Variants in NDST4 observed in about 807,000 individuals in gnomAD.
The protein encoded by NDST4 is N-deacetylase and N-sulfotransferase 4, also known as N-heparan sulfate sulfotransferase 4.
NDST4 carries 63 observed loss-of-function variants against 100.8 expected under a neutral mutation model. That is an observed-to-expected ratio of 0.62 (90% CI 0.51 to 0.77). The LOEUF (loss-of-function observed/expected upper bound fraction) is 0.77, where lower values mean the gene tolerates loss of function less well. Among genes scored for constraint, NDST4 ranks in the 30% least tolerant of loss-of-function variants. The pLI is 0.00. For synonymous variants in NDST4, 377 were observed against 361.8 expected (o/e 1.04, Z -0.48); for missense variants, 943 against 1,018.4 (o/e 0.93, Z 1.01).
At chr4:114,845,018 A>G (rs1258255532) in intron 10 of NDST4, among the ~76,000 whole-genome samples, 1 of 151,716 alleles carries the variant, frequency 6.6e-6, no homozygotes, top group Non-Finnish European at 1.5e-5. Context: ...AAACATCATA[A>G]TTGTTGTCAA....
rs1724750419 is a variant in NDST4 at position 114,897,880 on chromosome 4, A to G, written c.1537-26930T>C. Among the ~76,000 whole-genome samples the G allele has an allele frequency of 2.6e-5, 4 of 152,294 alleles. No homozygotes were observed. In the South Asian group the frequency reaches 8.3e-4, roughly 32 times the overall value. On this transcript the variant is annotated intron_variant, in intron 6 of 13. Transcript: ENST00000264363. ...TATCTTCTTTGTTGAGGTGTCTGGT[A>G]AGGTCTTCAGCCAATTTTTAAAATC...
intron 4 of NDST4, among the ~76,000 whole-genome samples, chr4:114,941,332 A>ACCCCT (rs1242982528): frequency 6.7e-6 from 1 of 149,890 alleles, no homozygotes; most frequent in Non-Finnish European, 1.5e-5. Flanking sequence ...TTCTACTGTG[A>ACCCCT]CCCCTCCCCT....
intron 1 of NDST4, among the ~76,000 whole-genome samples, chr4:115,109,654 T>A (rs1024228413): frequency 4.0e-5 from 6 of 151,864 alleles, no homozygotes; most frequent in Non-Finnish European, 8.8e-5. Context: ...GTTTTAACCC[T>A]TTTTTCTCAG....
intron 2 of NDST4, among the ~76,000 whole-genome samples, chr4:115,037,014 T>C (rs1049721739): frequency 5.3e-5 from 8 of 151,986 alleles, no homozygotes; most frequent in African/African-American, 1.9e-4. Context: ...TTATGTGTTT[T>C]AATAGAGAAA....
At chr4:115,045,599 A>T (rs1389066787) in intron 2 of NDST4, among the ~76,000 whole-genome samples, 2 of 152,094 alleles carry the variant, frequency 1.3e-5, no homozygotes, top group Non-Finnish European at 2.9e-5. Context: ...CCAGCAGTAG[A>T]CTGATATTGA....
At chr4:114,916,688 A>G (rs1314846331) in intron 6 of NDST4, among the ~76,000 whole-genome samples, 2 of 147,030 alleles carry the variant, frequency 1.4e-5, no homozygotes, top group South Asian at 4.3e-4. Context: ...TTTTTTTCTA[A>G]GTTATATTTT....
intron 2 of NDST4, among the ~76,000 whole-genome samples, chr4:114,994,492 G>C (rs1380556339): frequency 6.6e-6 from 1 of 151,906 alleles, no homozygotes; most frequent in Non-Finnish European, 1.5e-5. Flanking sequence ...AAGTGTGTAT[G>C]GGATGAATGC....
chr4:115,017,399 A>C (rs1202634712), intron 2 of NDST4, among the ~76,000 whole-genome samples: 1 of 152,042 alleles, frequency 6.6e-6, no homozygotes, highest in Non-Finnish European at 1.5e-5. Flanking sequence ...CACATTACCC[A>C]AATAAAAAAG....
chr4:115,099,347 G>A (rs962213578), intron 1 of NDST4, among the ~76,000 whole-genome samples: 7 of 151,838 alleles, frequency 4.6e-5, no homozygotes, highest in Admixed American at 6.6e-5. Flanking sequence ...ACTTTTGCTC[G>A]GTGGCAGACA....
At chr4:114,936,692 ATTGG>A (rs1725635549) in intron 5 of NDST4, among the ~76,000 whole-genome samples, 1 of 152,158 alleles carries the variant, frequency 6.6e-6, no homozygotes, top group South Asian at 2.1e-4. Context: ...CTGAAATCCA[ATTGG>A]TTTTATTCTC....
At chr4:115,048,557 A>G (rs1057327131) in intron 2 of NDST4, among the ~76,000 whole-genome samples, 3 of 152,148 alleles carry the variant, frequency 2.0e-5, no homozygotes, top group African/African-American at 7.2e-5. Flanking sequence ...TTAAGGCTTG[A>G]TTACACGCGT....
intron 6 of NDST4, among the ~76,000 whole-genome samples, chr4:114,893,057 C>T (rs960436795): frequency 9.2e-5 from 14 of 152,082 alleles, no homozygotes; most frequent in African/African-American, 2.7e-4. Flanking sequence ...ATCCATGTCC[C>T]TGCAGAGGAC....
In NDST4 at chr4:115,064,116, CAG is replaced by C. The variant is rs1288486085; in HGVS notation, c.978+11941_978+11942del. On this transcript the variant is annotated intron_variant, in intron 2 of 13. Coordinates refer to ENST00000264363, the MANE Select transcript of NDST4 (RefSeq NM_022569.3). ...ATTAAAATTTAATTTGCATTAAAAA[CAG>C]TAAAAATATTCTGAGCAGAAAATCT... 2.0e-5 allele frequency among the ~76,000 whole-genome samples: 3 copies of C among 151,922 alleles called. No homozygotes were observed. In the South Asian group the frequency reaches 6.2e-4, roughly 31 times the overall value.
intron 12 of NDST4, among the ~76,000 whole-genome samples, chr4:114,832,964 GTCAAAGCCAGATAT>G (rs111273893): frequency 0.11 from 16,533 of 152,130 alleles, 947 homozygotes; most frequent in Middle Eastern, 0.15. Context: ...AGTCATCTGA[GTCAAAGCCAGATAT>G]TCAAGTCTTC....
chr4:114,983,738 T>C (rs988801777), intron 2 of NDST4, among the ~76,000 whole-genome samples: 5 of 152,038 alleles, frequency 3.3e-5, no homozygotes, highest in Admixed American at 6.5e-5. Context: ...GGATATGAGA[T>C]TTGGGAGGGG....
chr4:114,852,890 C>A, intron 7 of NDST4, 69 bp from the exon 8 acceptor site: 2 of 1,105,244 alleles, frequency 1.8e-6, no homozygotes, highest in South Asian at 1.5e-5. Context: ...AAAAATTGTT[C>A]AAAAGATGGA....
intron 7 of NDST4, among the ~76,000 whole-genome samples, chr4:114,867,665 C>CAAAAAAAAAAAAAAAGAA (rs1724061578): frequency 6.3e-5 from 5 of 79,900 alleles, no homozygotes; most frequent in African/African-American, 9.8e-5. Context: ...AAAAAAAAAG[C>CAAAAAAAAAAAAAAAGAA]AAAAAAAAAA....
Position 115,076,883 on chromosome 4 carries a change from A to G in NDST4, c.154T>C (p.Cys52Arg), listed in dbSNP as rs781089432. 2.5e-6 allele frequency: 4 copies of G among 1,613,848 alleles called. No homozygotes were observed. Among genetic ancestry groups the G allele is most frequent in the Admixed American group, 1.7e-5 (1 of 59,974 alleles). Residue 52 changes from cysteine (C) to arginine (R), a missense_variant, in exon 2 of 14, where the codon TGC becomes CGC. Cys to Arg is a radical substitution (Grantham distance 180). Coordinates refer to ENST00000264363, the MANE Select transcript of NDST4 (RefSeq NM_022569.3). ...TATGGTAGAATTTTGATGTCAGTGCATTCTGCTTCTGCAGTGGTTTCAATA... is the reference window on the plus strand; with the variant it reads ...TATGGTAGAATTTTGATGTCAGTGCGTTCTGCTTCTGCAGTGGTTTCAATA... ...TLIETTAEAECTDIKILPYRS... is the reference protein window; with the variant it reads ...TLIETTAEAERTDIKILPYRS...
At chr4:114,894,061 T>C (rs537749314) in intron 6 of NDST4, among the ~76,000 whole-genome samples, 6 of 152,232 alleles carry the variant, frequency 3.9e-5, no homozygotes, top group Non-Finnish European at 5.9e-5. Flanking sequence ...ATGAGTAGTG[T>C]TATTTATGAG....
Sources: allele counts gnomAD v4.1 joint callset (sites outside exome capture counted in the v4.1 genomes callset), GRCh38; gene constraint gnomAD v4.1.1; transcripts MANE v1.5; gene names NCBI Gene and HGNC (gene_info 2026-07-23, HGNC 2026-07-21).